TIAM1: variants seen among roughly 807,000 people sequenced by gnomAD.
TIAM1 encodes the protein rho guanine nucleotide exchange factor TIAM1.
A neutral mutation model predicts 163.5 loss-of-function variants in TIAM1; 65 were observed. The ratio of observed to expected loss-of-function variants is 0.40; its 90% CI spans 0.33 to 0.49. TIAM1 has a LOEUF of 0.49. Ranked by LOEUF, TIAM1 falls within the 20% of genes least tolerant of loss-of-function variation. The pLI is 0.77. For missense variants in TIAM1, 1,789 were observed against 2,044.7 expected, an observed-to-expected ratio of 0.87 and a Z score of 2.41; for synonymous variants, 833 against 810.1, an observed-to-expected ratio of 1.03 and a Z score of -0.48.
chr21:31,242,738 C>A (rs1189492894), intron 6 of TIAM1, among the ~76,000 whole-genome samples: 1 of 150,080 alleles, frequency 6.7e-6, no homozygotes, highest in African/African-American at 2.5e-5. Context: ...GTTGGGAGAC[C>A]AAAACAGGAG....
chr21:31,182,460 G>A lies in TIAM1; in HGVS notation c.2848C>T (p.Leu950Phe). Residue 950 changes from leucine (L) to phenylalanine (F), a missense_variant, in exon 15 of 28, where the codon CTT becomes TTT. Leu to Phe is a conservative substitution (Grantham distance 22, BLOSUM62 0). Around this residue, in one of 5 missense-constraint regions of TIAM1, gnomAD observed 303 missense variants for 321.3 expected, o/e 0.94. Transcript: ENST00000541036. Reference sequence around the variant, plus strand: ...AGAAAGGCGAGGGGGCTCTCGCCAAGGTCGGCAGGGCCGTCCACTCGGTGG... The same window carrying A: ...AGAAAGGCGAGGGGGCTCTCGCCAAAGTCGGCAGGGCCGTCCACTCGGTGG... ...PPHRVDGPAD[L>F]GESPLAFLTS... The A allele has an allele frequency of 6.2e-7, 1 of 1,602,798 alleles. No homozygotes were observed. Among genetic ancestry groups the A allele is most frequent in the Non-Finnish European group, 8.5e-7 (1 of 1,174,890 alleles).
intron 1 of TIAM1, among the ~76,000 whole-genome samples, chr21:31,538,075 C>T (rs981909721): frequency 4.6e-5 from 7 of 152,126 alleles, no homozygotes; most frequent in South Asian, 4.1e-4. Context: ...ATTGGGGTTG[C>T]CCTGAAGGGG....
chr21:31,352,945 C>A (rs2076258739), intron 2 of TIAM1, among the ~76,000 whole-genome samples: 1 of 151,822 alleles, frequency 6.6e-6, no homozygotes, highest in African/African-American at 2.4e-5. Flanking sequence ...CCAAGCCTTC[C>A]AATAAGCCAA....
At chr21:31,355,203 GA>G (rs890877893) in intron 2 of TIAM1, among the ~76,000 whole-genome samples, 1 of 149,152 alleles carries the variant, frequency 6.7e-6, no homozygotes, top group African/African-American at 2.5e-5. Context: ...AGCGGCTAAT[GA>G]ACTGCCCATT....
Position 31,266,434 on chromosome 21 carries a change from C to T in TIAM1, c.539G>A (p.Ser180Asn). 2 of 1,614,248 alleles carry T rather than the reference C, an allele frequency of 1.2e-6. No homozygotes were observed. Among genetic ancestry groups the T allele is most frequent in the Non-Finnish European group, 1.7e-6 (2 of 1,180,056 alleles). Residue 180 changes from serine to asparagine, a missense_variant, in exon 4 of 28, where the codon AGC (serine) becomes AAC (asparagine). Around this residue, in one of 5 missense-constraint regions of TIAM1, gnomAD observed 555 missense variants for 564.9 expected, o/e 0.98. Coordinates refer to ENST00000541036, the MANE Select transcript of TIAM1 (RefSeq NM_001353694.2). ...CAGATCAGAGAGTGAGAATTCCAGGCTGTCCTCCCGCCAGATGTCTGCAGA... is the reference window on the plus strand; with the variant it reads ...CAGATCAGAGAGTGAGAATTCCAGGTTGTCCTCCCGCCAGATGTCTGCAGA... ...SKSADIWREDSLEFSLSDLSQ... is the reference protein window; with the variant it reads ...SKSADIWREDNLEFSLSDLSQ...
intron 2 of TIAM1, among the ~76,000 whole-genome samples, chr21:31,315,043 C>A (rs2075058546): frequency 6.6e-6 from 1 of 152,134 alleles, no homozygotes; most frequent in Non-Finnish European, 1.5e-5. Flanking sequence ...CCAAACCTCG[C>A]ACCAAAACCA....
At position 31,266,973 on chromosome 21, in the gene TIAM1, G is replaced by T; in HGVS notation, c.-1C>A. The T allele has an allele frequency of 6.3e-7, 1 of 1,595,792 alleles. No individual in the cohort carries two copies. The highest frequency in any genetic ancestry group is 1.1e-5 in the South Asian group (1 of 89,164). Reference sequence around the variant, plus strand: ...CATGTTGACTTTCTGCGTTTCCCATGGTTTTATGGTCTGCAGCAAAGCGGG... The same window carrying T: ...CATGTTGACTTTCTGCGTTTCCCATTGTTTTATGGTCTGCAGCAAAGCGGG... On this transcript the variant is annotated 5_prime_UTR_variant, in exon 4 of 28. Coordinates refer to ENST00000541036, the MANE Select transcript of TIAM1 (RefSeq NM_001353694.2).
intron 7 of TIAM1, 106 bp from the exon 8 acceptor site, chr21:31,223,697 T>C: frequency 8.5e-7 from 1 of 1,176,924 alleles, no homozygotes; most frequent in Non-Finnish European, 1.1e-6. Flanking sequence ...TTCATTATAA[T>C]CCTAAGGAAT....
rs968651607 is a variant in TIAM1 at position 31,152,837 on chromosome 21, G to A, written c.3241-76C>T. The A allele has an allele frequency of 5.2e-6, 8 of 1,540,608 alleles. 1 individual carries two copies. ...AACGTTATTTATATCTGATTACAAG[G>A]TTTTTCTATCAATTCTTATCAATTA... On this transcript the variant is annotated intron_variant, in intron 18 of 27. Coordinates refer to ENST00000541036, the MANE Select transcript of TIAM1 (RefSeq NM_001353694.2).
chr21:31,276,977 G>A (rs965562984), intron 2 of TIAM1, 69 bp from the exon 3 acceptor site: 11 of 152,140 alleles, frequency 7.2e-5, no homozygotes, highest in African/African-American at 2.7e-4. Flanking sequence ...GAAGGAAATG[G>A]GCATTTTCTG....
intron 16 of TIAM1, 48 bp downstream of exon 16, chr21:31,164,914 A>T: frequency 6.3e-7 from 1 of 1,583,890 alleles, no homozygotes; most frequent in Non-Finnish European, 8.7e-7. Flanking sequence ...GTCAGCTGTG[A>T]TTCTTCAGTG....
At chr21:31,230,573 G>T (rs1010732541) in intron 6 of TIAM1, among the ~76,000 whole-genome samples, 4 of 152,084 alleles carry the variant, frequency 2.6e-5, no homozygotes, top group Non-Finnish European at 5.9e-5. Context: ...TGCCCAGGCT[G>T]GAGTGCCTGG....
At chr21:31,387,250 C>T (rs751290420) in intron 2 of TIAM1, among the ~76,000 whole-genome samples, 79 of 121,178 alleles carry the variant, frequency 6.5e-4, no homozygotes, top group Non-Finnish European at 1.0e-3. Flanking sequence ...GAGACAGGGT[C>T]TCGCTCGTGT....
chr21:31,130,986 T>C (rs779538687), intron 23 of TIAM1, 38 bp from the exon 24 acceptor site: 6 of 1,583,788 alleles, frequency 3.8e-6, no homozygotes, highest in Non-Finnish European at 5.2e-6. Flanking sequence ...TGGTATGTCA[T>C]GTGTAGGGTT....
chr21:31,147,787 A>AATAT (rs373598678), intron 19 of TIAM1, among the ~76,000 whole-genome samples: 11,617 of 139,646 alleles, frequency 0.083, 521 homozygotes, highest in Non-Finnish European at 0.095. Context: ...ATTATATTAA[A>AATAT]ATATATATAT....
intron 2 of TIAM1, among the ~76,000 whole-genome samples, chr21:31,434,344 C>T (rs1882087863): frequency 6.6e-6 from 1 of 152,160 alleles, no homozygotes; most frequent in Admixed American, 6.5e-5. Context: ...GCATTACGAT[C>T]TGCCCCAGTG....
intron 8 of TIAM1, among the ~76,000 whole-genome samples, chr21:31,222,701 ATATATATTTTTT>A (rs2087659348): frequency 2.2e-5 from 1 of 46,422 alleles, no homozygotes; most frequent in Non-Finnish European, 3.6e-5. Context: ...ATATATATAT[ATATATATTTTTT>A]TTTTTTTTTT....
chr21:31,323,849 A>G (rs1243086960), intron 2 of TIAM1, among the ~76,000 whole-genome samples: 2 of 151,614 alleles, frequency 1.3e-5, no homozygotes, highest in African/African-American at 4.8e-5. Context: ...AACACACAAA[A>G]ATTTAAAAAT....
chr21:31,297,097 A>G (rs2074306003), intron 2 of TIAM1, among the ~76,000 whole-genome samples: 1 of 152,206 alleles, frequency 6.6e-6, no homozygotes, highest in Non-Finnish European at 1.5e-5. Flanking sequence ...ACTTCATGCT[A>G]TGTAAAAGAA....
Sources: gnomAD v4.1 joint callset for allele counts (sites outside exome capture counted in the v4.1 genomes callset) on GRCh38, gnomAD v4.1.1 for gene constraint, gnomAD v4.1.1 regional missense constraint, MANE v1.5 for transcripts, NCBI Gene and HGNC (gene_info 2026-07-23, HGNC 2026-07-21) for gene names.